The following IDS variants were observed in gnomAD, a reference collection of about 807,000 sequenced individuals.
IDS encodes alpha-L-iduronate sulfate sulfatase.
In IDS, 1 loss-of-function variant was observed where a neutral mutation model predicts 33.5. The ratio of observed to expected loss-of-function variants is 0.03; its 90% CI spans 0.01 to 0.14. IDS has a LOEUF of 0.14. IDS is among the 10% of genes least tolerant of loss of function. The pLI is 1.00. For synonymous variants in IDS, 191 were observed against 184.4 expected, an observed-to-expected ratio of 1.04 and a Z score of -0.29; for missense variants, 328 against 448.0, an observed-to-expected ratio of 0.73 and a Z score of 2.42.
chrX:149,486,791 G>T, intron 8 of IDS, 134 bp downstream of exon 8: 1 of 696,784 alleles, frequency 1.4e-6, no homozygotes, highest in Non-Finnish European at 2.2e-6. Flanking sequence ...ACAAAATGTT[G>T]AGAAGAAATT....
intron 6 of IDS, chrX:149,491,707 T>C (rs781790935): frequency 2.1e-6 from 2 of 948,720 alleles, no homozygotes; most frequent in Admixed American, 2.9e-5. Context: ...CTATGTCCTA[T>C]ACAAAGGTAT....
At chrX:149,503,648 A>C (rs1460845812) in intron 2 of IDS, among the ~76,000 whole-genome samples, 159 bp from the exon 3 acceptor site, 1 of 111,907 alleles carries the variant, frequency 8.9e-6, no homozygotes, top group Non-Finnish European at 1.9e-5. Flanking sequence ...GGTGTCACCT[A>C]GGCAACAGAC....
chrX:149,487,813 C>T (rs2089352538), intron 7 of IDS, among the ~76,000 whole-genome samples: 1 of 102,812 alleles, frequency 9.7e-6, no homozygotes, highest in Non-Finnish European at 2.0e-5. Context: ...ATGTGCATGA[C>T]AGAAATTGTA....
At position 149,498,134 on chromosome X, in the gene IDS, C is replaced by T. The variant is rs1557339514; in HGVS notation, c.681G>A (p.Lys227=). 11 of 1,209,493 alleles carry T rather than the reference C, an allele frequency of 9.1e-6. No homozygotes were observed. The highest frequency in any genetic ancestry group is 3.0e-5 in the East Asian group (1 of 33,760). The change falls in exon 5 of 9, where the codon AAG becomes AAA. Residue 227 remains lysine, a synonymous_variant. Coordinates refer to ENST00000340855, the MANE Select transcript of IDS (RefSeq NM_000202.8). Reference sequence around the variant, plus strand: ...TGGGGTATCTGAAGGGGATGTGTGGCTTATGATACCCAACGGCCAGGAAGA... The same window carrying T: ...TGGGGTATCTGAAGGGGATGTGTGGTTTATGATACCCAACGGCCAGGAAGA... The part of the protein sequence containing the change: ...SPFFLAVGYH[K]PHIPFRYPKE...
At chrX:149,483,950 C>T (rs1471413380) in intron 8 of IDS, among the ~76,000 whole-genome samples, 2 of 112,659 alleles carry the variant, frequency 1.8e-5, no homozygotes, top group African/African-American at 6.5e-5. Flanking sequence ...AGCATAATGT[C>T]CTCAAGGCTC....
chrX:149,503,122 A>G, intron 3 of IDS, 190 bp downstream of exon 3: 1 of 1,149,882 alleles, frequency 8.7e-7, no homozygotes, highest in Non-Finnish European at 1.2e-6. Context: ...AGCTCTTTCT[A>G]CCCTTTTTCA....
rs781834814 is a variant in IDS, at chrX:149,477,107, C to T, written c.*5639G>A. The T allele has an allele frequency of 8.9e-6, 1 of 112,369 alleles. No individual in the cohort carries two copies. The highest frequency in any genetic ancestry group is 2.8e-4 in the East Asian group (1 of 3,616). 9.3% of individuals were successfully genotyped at this position (112,369 alleles called of 1,213,427 possible). A position where few individuals can be genotyped will look rare whatever the true frequency, so the allele number is the denominator to read the frequency against. ...CATAAAAGCTGTAAGTTAATGAGTACTGAATAAAAATCACCTGCAAAAGGT... is the reference window on the plus strand; with the variant it reads ...CATAAAAGCTGTAAGTTAATGAGTATTGAATAAAAATCACCTGCAAAAGGT... On this transcript the variant is annotated 3_prime_UTR_variant, in exon 9 of 9. Transcript: ENST00000340855.
chrX:149,482,567 C>A lies in IDS; in HGVS notation c.*179G>T. The A allele has an allele frequency of 3.0e-6, 2 of 666,721 alleles. No individual in the cohort carries two copies. Among genetic ancestry groups the A allele is most frequent in the Admixed American group, 4.0e-5 (1 of 24,900 alleles). The allele number at this position is 666,721 out of a possible 1,213,427, so 54.9% of individuals were successfully genotyped here. A position where few individuals can be genotyped will look rare whatever the true frequency, so the allele number is the denominator to read the frequency against. On this transcript the variant is annotated 3_prime_UTR_variant, in exon 9 of 9. Coordinates refer to ENST00000340855, the MANE Select transcript of IDS (RefSeq NM_000202.8). ...TACCAATTATAAATTTTAATAAAGA[C>A]TAAACGAAAAGGTTTGGCTGTTACA...
At position 149,477,209 on chromosome X, in the gene IDS, A is replaced by T. The variant is rs1347017859; in HGVS notation, c.*5537T>A. On this transcript the variant is annotated 3_prime_UTR_variant, in exon 9 of 9. Coordinates refer to ENST00000340855, the MANE Select transcript of IDS (RefSeq NM_000202.8). Reference sequence around the variant, plus strand: ...AATGGCAGCTTCAGTCCTACTCCAAACCTTCTCACCCATATAAATCATAGT... The same window carrying T: ...AATGGCAGCTTCAGTCCTACTCCAATCCTTCTCACCCATATAAATCATAGT... 1 of 112,278 alleles carries T rather than the reference A, an allele frequency of 8.9e-6. No individual in the cohort carries two copies. The highest frequency in any genetic ancestry group is 1.9e-5 in the Non-Finnish European group (1 of 53,217). The allele number at this position is 112,278 out of a possible 1,213,427, so 9.3% of individuals were successfully genotyped here.
At chrX:149,495,056 C>A (rs1422812960) in intron 6 of IDS, among the ~76,000 whole-genome samples, 1 of 111,881 alleles carries the variant, frequency 8.9e-6, no homozygotes, top group Non-Finnish European at 1.9e-5. Context: ...AGAGCAGGTA[C>A]CTCACTAAGT....
chrX:149,485,383 G>A (rs2089327726), intron 8 of IDS, among the ~76,000 whole-genome samples: 1 of 112,143 alleles, frequency 8.9e-6, no homozygotes, highest in Non-Finnish European at 1.9e-5. Context: ...CAGGCGAAGT[G>A]GTGGGAAGTG....
chrX:149,487,282 T>G (rs1165850770), intron 7 of IDS, 184 bp from the exon 8 acceptor site: 1 of 1,205,973 alleles, frequency 8.3e-7, no homozygotes, highest in Non-Finnish European at 1.1e-6. Flanking sequence ...GCTGCTTTAT[T>G]CAAAATCAGG....
chrX:149,499,602 G>A (rs1227263670), intron 4 of IDS, among the ~76,000 whole-genome samples: 2 of 110,952 alleles, frequency 1.8e-5, no homozygotes, highest in East Asian at 2.8e-4. Context: ...TTTTGAGAGC[G>A]ATAAAAATGA....
At position 149,480,201 on chromosome X, in the gene IDS, G is replaced by A; in HGVS notation, c.*2545C>T. 1 of 296,677 alleles carries A rather than the reference G, an allele frequency of 3.4e-6. No individual in the cohort carries two copies. The allele number at this position is 296,677 out of a possible 1,213,427, so 24.4% of individuals were successfully genotyped here. A position where few individuals can be genotyped will look rare whatever the true frequency, so the allele number is the denominator to read the frequency against. On this transcript the variant is annotated 3_prime_UTR_variant, in exon 9 of 9. Transcript: ENST00000340855. ...AGTAGGCACTGACGGTGTTATCAAAGGACAGGATCAAAGAGAGATTTTAGG... is the reference window on the plus strand; with the variant it reads ...AGTAGGCACTGACGGTGTTATCAAAAGACAGGATCAAAGAGAGATTTTAGG...
At chrX:149,484,662 G>A (rs1413684906) in intron 8 of IDS, among the ~76,000 whole-genome samples, 1 of 112,249 alleles carries the variant, frequency 8.9e-6, no homozygotes, top group Non-Finnish European at 1.9e-5. Context: ...AGCCATCCTA[G>A]TGGGTATGAA....
At chrX:149,497,491 A>C (rs781840189) in intron 5 of IDS, among the ~76,000 whole-genome samples, 16 of 112,405 alleles carry the variant, frequency 1.4e-4, no homozygotes, top group Non-Finnish European at 2.8e-4. Flanking sequence ...CAAAGAGCAT[A>C]CTGCTGGTCT....
intron 6 of IDS, chrX:149,495,501 C>G (rs1313141652): frequency 9.8e-6 from 1 of 101,782 alleles, no homozygotes; most frequent in African/African-American, 3.7e-5. Context: ...TGTCGGTTGT[C>G]AGGTCAAGTT....
At chrX:149,485,484 C>T (rs1215106031) in intron 8 of IDS, among the ~76,000 whole-genome samples, 4 of 111,861 alleles carry the variant, frequency 3.6e-5, no homozygotes, top group Non-Finnish European at 7.5e-5. Flanking sequence ...GAGATTATTC[C>T]ATGATTTTTT....
chrX:149,505,275 CCGCAGG>C lies in IDS; in HGVS notation c.-144_-139del, dbSNP rs2089519620. The C allele has an allele frequency of 5.9e-6, 2 of 336,476 alleles. No homozygotes were observed. The highest frequency in any genetic ancestry group is 9.4e-5 in the East Asian group (2 of 21,318). The allele number at this position is 336,476 out of a possible 1,213,427, so 27.7% of individuals were successfully genotyped here. A position where few individuals can be genotyped will look rare whatever the true frequency, so the allele number is the denominator to read the frequency against. Reference sequence around the variant, plus strand: ...TGCGCAACACAGCCGCCGCCCGGGCCCGCAGGCCCGGGCGCTGGCCGCAGCGCGAGT... The same window carrying C: ...TGCGCAACACAGCCGCCGCCCGGGCCCCCGGGCGCTGGCCGCAGCGCGAGT... On this transcript the variant is annotated 5_prime_UTR_variant, in exon 1 of 9. Transcript: ENST00000340855.
Sources: allele counts gnomAD v4.1 joint callset (sites outside exome capture counted in the v4.1 genomes callset), GRCh38; gene constraint gnomAD v4.1.1; transcripts MANE v1.5; gene names NCBI Gene and HGNC (gene_info 2026-07-23, HGNC 2026-07-21).